Variants in INVS observed in about 807,000 individuals in gnomAD.
INVS encodes inversion of embryo turning homolog.
INVS carries 86 observed loss-of-function variants against 108.8 expected under a neutral mutation model. The observed-to-expected ratio is 0.79, with a 90% CI of 0.66 to 0.95. The LOEUF (loss-of-function observed/expected upper bound fraction) is 0.95, where lower values mean the gene tolerates loss of function less well. Among genes scored for constraint, INVS ranks in the 40% least tolerant of loss-of-function variants. The pLI is 0.00. For missense variants in INVS, 1,169 were observed against 1,297.4 expected (o/e 0.90, Z 1.52); for synonymous variants, 455 against 473.5 (o/e 0.96, Z 0.51).
At chr9:100,124,709 ATATAAT>A (rs1284986914) in intron 2 of INVS, among the ~76,000 whole-genome samples, 2 of 152,180 alleles carry the variant, frequency 1.3e-5, no homozygotes, top group African/African-American at 4.8e-5. Flanking sequence ...AATTCTTGTC[ATATAAT>A]TCTAATATAT....
chr9:100,164,033 G>A (rs960705422), intron 3 of INVS, among the ~76,000 whole-genome samples: 6 of 152,220 alleles, frequency 3.9e-5, no homozygotes, highest in Non-Finnish European at 5.9e-5. Flanking sequence ...TAATTAGGAA[G>A]CTGAGAGTTG....
chr9:100,218,478 G>A (rs933628884), intron 3 of INVS, among the ~76,000 whole-genome samples: 4 of 152,106 alleles, frequency 2.6e-5, no homozygotes, highest in African/African-American at 9.7e-5. Context: ...GCCCCAGGGA[G>A]ACAGATATAG....
intron 15 of INVS, among the ~76,000 whole-genome samples, chr9:100,297,698 A>C (rs577902207): frequency 6.6e-6 from 1 of 152,244 alleles, no homozygotes; most frequent in African/African-American, 2.4e-5. Context: ...TTGCTGGCTC[A>C]AGAGAAAAAA....
At chr9:100,229,911 TGACGTACAAGC>T in intron 5 of INVS, 84 bp downstream of exon 5, 1 of 1,312,712 alleles carries the variant, frequency 7.6e-7, no homozygotes, top group Non-Finnish European at 1.1e-6. Flanking sequence ...AGTGTATATT[TGACGTACAAGC>T]AAATTATTAA....
intron 2 of INVS, among the ~76,000 whole-genome samples, chr9:100,114,139 G>A (rs1002625301): frequency 3.9e-5 from 6 of 152,028 alleles, no homozygotes; most frequent in African/African-American, 1.4e-4. Context: ...TTTCACCCTT[G>A]TTCGTATACA....
At chr9:100,100,904 T>C (rs1182773073) in intron 1 of INVS, among the ~76,000 whole-genome samples, 4 of 35,482 alleles carry the variant, frequency 1.1e-4, no homozygotes, top group African/African-American at 6.2e-4. Flanking sequence ...ATTATATATG[T>C]ATATATATTA....
At chr9:100,223,078 CATTT>C (rs554266239) in intron 3 of INVS, among the ~76,000 whole-genome samples, 295 of 151,562 alleles carry the variant, frequency 1.9e-3, no homozygotes, top group African/African-American at 6.1e-3. Context: ...GAATTTTTAT[CATTT>C]ATTTATTTAT....
chr9:100,209,151 G>A (rs1486387401), intron 3 of INVS, among the ~76,000 whole-genome samples: 2 of 152,130 alleles, frequency 1.3e-5, no homozygotes, highest in African/African-American at 4.8e-5. Context: ...TGAATTACTT[G>A]TGCAGTATTG....
intron 2 of INVS, chr9:100,117,511 T>G: frequency 1.2e-6 from 1 of 865,380 alleles, no homozygotes; most frequent in South Asian, 1.3e-5. Context: ...CCGGGCCCCG[T>G]CCACGGCCGC....
At chr9:100,103,216 A>G (rs923176685) in intron 1 of INVS, among the ~76,000 whole-genome samples, 31 of 152,144 alleles carry the variant, frequency 2.0e-4, no homozygotes, top group Non-Finnish European at 4.0e-4. Flanking sequence ...CTGGCATGCA[A>G]TGGTGTGATC....
At chr9:100,103,704 G>A in intron 1 of INVS, among the ~76,000 whole-genome samples, 1 of 147,410 alleles carries the variant, frequency 6.8e-6, no homozygotes, top group Non-Finnish European at 1.5e-5. Flanking sequence ...GGGGAGGCGA[G>A]GGGAAGGGAG....
At chr9:100,140,845 A>G (rs918353395) in intron 3 of INVS, among the ~76,000 whole-genome samples, 7 of 152,182 alleles carry the variant, frequency 4.6e-5, no homozygotes, top group African/African-American at 1.7e-4. Context: ...TGGCCTAGAT[A>G]CGGTTTTGTA....
chr9:100,242,544 A>G (rs777740991), intron 6 of INVS, 26 bp from the exon 7 acceptor site: 2 of 1,175,234 alleles, frequency 1.7e-6, no homozygotes, highest in South Asian at 2.4e-5. Flanking sequence ...TATAAGTGAT[A>G]ATTACCTTTT....
At chr9:100,157,885 A>G (rs1281040060) in intron 3 of INVS, among the ~76,000 whole-genome samples, 2 of 152,242 alleles carry the variant, frequency 1.3e-5, no homozygotes, top group East Asian at 1.9e-4. Context: ...TCCTACAACA[A>G]AATGCTACCT....
intron 5 of INVS, among the ~76,000 whole-genome samples, chr9:100,239,113 C>T (rs1427830504): frequency 2.0e-5 from 3 of 152,176 alleles, no homozygotes; most frequent in African/African-American, 2.4e-5. Context: ...ATCCTTCACC[C>T]CAGCAGTTCC....
chr9:100,277,129 G>C (rs1420422667), intron 12 of INVS, among the ~76,000 whole-genome samples: 1 of 152,188 alleles, frequency 6.6e-6, no homozygotes, highest in Non-Finnish European at 1.5e-5. Flanking sequence ...TACCTCTCAA[G>C]ATAGCATATT....
intron 15 of INVS, 43 bp downstream of exon 15, chr9:100,297,189 A>G (rs1381822365): frequency 6.8e-7 from 1 of 1,461,400 alleles, no homozygotes; most frequent in East Asian, 2.3e-5. Flanking sequence ...AAGTACCCCC[A>G]GAGTACCACA....
At chr9:100,244,305 G>A (rs1274485631) in intron 7 of INVS, among the ~76,000 whole-genome samples, 3 of 152,000 alleles carry the variant, frequency 2.0e-5, no homozygotes, top group Non-Finnish European at 4.4e-5. Flanking sequence ...TAACCTGACC[G>A]AGTCTAGTCA....
At chr9:100,230,753 G>A (rs1490893711) in intron 5 of INVS, among the ~76,000 whole-genome samples, 1 of 152,138 alleles carries the variant, frequency 6.6e-6, no homozygotes, top group African/African-American at 2.4e-5. Flanking sequence ...TCTTGACCTC[G>A]TGATCTACCT....
Sources: allele counts gnomAD v4.1 joint callset (sites outside exome capture counted in the v4.1 genomes callset), GRCh38; gene constraint gnomAD v4.1.1; transcripts MANE v1.5; gene names NCBI Gene and HGNC (gene_info 2026-07-23, HGNC 2026-07-21).